The following DOCK4 variants were observed in gnomAD, a reference collection of about 807,000 sequenced individuals.
DOCK4 encodes the protein dedicator of cytokinesis protein 4.
In DOCK4, 97 loss-of-function variants were observed where a neutral mutation model predicts 268.1. The ratio of observed to expected loss-of-function variants is 0.36; its 90% CI spans 0.31 to 0.43. The LOEUF (loss-of-function observed/expected upper bound fraction) is 0.43, where lower values mean the gene tolerates loss of function less well. Ranked by LOEUF, DOCK4 falls within the 20% of genes least tolerant of loss-of-function variation. The pLI is 1.00. For missense variants in DOCK4, 2,145 were observed against 2,455.7 expected (o/e 0.87, Z 2.67); for synonymous variants, 954 against 887.2 (o/e 1.08, Z -1.34).
At chr7:111,997,691 T>C (rs903362447) in intron 4 of DOCK4, among the ~76,000 whole-genome samples, 1 of 152,222 alleles carries the variant, frequency 6.6e-6, no homozygotes, top group African/African-American at 2.4e-5. Context: ...TGAATCTGTA[T>C]TCTGTTGTCC....
At chr7:111,813,500 A>G (rs1479998337) in intron 27 of DOCK4, among the ~76,000 whole-genome samples, 9 of 152,228 alleles carry the variant, frequency 5.9e-5, no homozygotes, top group Non-Finnish European at 1.0e-4. Flanking sequence ...GGTAATGAAA[A>G]GGAAACAAGA....
At chr7:111,829,695 A>T (rs1323146118) in intron 26 of DOCK4, among the ~76,000 whole-genome samples, 3 of 152,192 alleles carry the variant, frequency 2.0e-5, no homozygotes, top group African/African-American at 7.2e-5. Context: ...CCTTTTAAGG[A>T]TTAAAATTAG....
intron 26 of DOCK4, among the ~76,000 whole-genome samples, chr7:111,833,623 A>G (rs1766504758): frequency 6.6e-6 from 1 of 152,166 alleles, no homozygotes; most frequent in Non-Finnish European, 1.5e-5. Context: ...GAGGGATTAA[A>G]TCTGCCAAAA....
chr7:111,790,367 T>C (rs1799446315), intron 31 of DOCK4, 90 bp downstream of exon 31: 1 of 1,499,738 alleles, frequency 6.7e-7, no homozygotes, highest in Admixed American at 1.9e-5. Flanking sequence ...CCAGTGTTCA[T>C]TTCCCAAGTT....
chr7:111,995,413 TTGTGTGTGTGTGTGTGTG>T (rs71529492), intron 4 of DOCK4, among the ~76,000 whole-genome samples: 8 of 116,908 alleles, frequency 6.8e-5, no homozygotes, highest in African/African-American at 1.1e-4. Flanking sequence ...AATTCTTTCT[TTGTGTGTGTGTGTGTGTG>T]TGTGTGTGTG....
At chr7:111,773,466 C>G (rs73434214) in intron 36 of DOCK4, among the ~76,000 whole-genome samples, 3,266 of 152,220 alleles carry the variant, frequency 0.021, 121 homozygotes, top group African/African-American at 0.075. Context: ...TTCAGAGAAC[C>G]AAAATATATC....
chr7:111,831,829 C>T (rs894775654), intron 26 of DOCK4, among the ~76,000 whole-genome samples: 2 of 152,102 alleles, frequency 1.3e-5, no homozygotes, highest in Non-Finnish European at 2.9e-5. Context: ...GTCTTTCTTC[C>T]CTCAAATGAG....
At chr7:111,938,191 G>T (rs1794894074) in intron 11 of DOCK4, among the ~76,000 whole-genome samples, 1 of 152,184 alleles carries the variant, frequency 6.6e-6, no homozygotes. Context: ...TTTTAAGAGG[G>T]ATGAAGAGAG....
chr7:112,142,689 A>G (rs1449651851), intron 1 of DOCK4, among the ~76,000 whole-genome samples: 2 of 152,194 alleles, frequency 1.3e-5, no homozygotes, highest in Non-Finnish European at 2.9e-5. Context: ...ATTCTTTACC[A>G]CTACAGAACT....
intron 30 of DOCK4, among the ~76,000 whole-genome samples, chr7:111,803,678 C>A (rs1800461304): frequency 6.6e-6 from 1 of 152,088 alleles, no homozygotes; most frequent in African/African-American, 2.4e-5. Flanking sequence ...AAAGACTAAC[C>A]TTTTTCTCTG....
At chr7:111,876,856 C>A (rs1007074785) in intron 17 of DOCK4, among the ~76,000 whole-genome samples, 174 bp downstream of exon 17, 1 of 150,738 alleles carries the variant, frequency 6.6e-6, no homozygotes, top group Non-Finnish European at 1.5e-5. Context: ...AAATGACATG[C>A]ATTCAACAGG....
chr7:112,044,115 C>T (rs1405128702), intron 1 of DOCK4, among the ~76,000 whole-genome samples: 1 of 152,112 alleles, frequency 6.6e-6, no homozygotes, highest in Non-Finnish European at 1.5e-5. Context: ...CACAGAGAAG[C>T]TATATAATTT....
intron 23 of DOCK4, 127 bp from the exon 24 acceptor site, chr7:111,847,253 T>C: frequency 8.5e-7 from 1 of 1,178,330 alleles, no homozygotes; most frequent in Non-Finnish European, 1.2e-6. Context: ...ACAAAGGTAT[T>C]AGTTCTACAA....
chr7:111,974,568 G>C (rs1300179192), intron 8 of DOCK4, among the ~76,000 whole-genome samples: 1 of 135,256 alleles, frequency 7.4e-6, no homozygotes, highest in Non-Finnish European at 1.6e-5. Flanking sequence ...GCAGAGAGAG[G>C]AGGAGGAAGG....
intron 25 of DOCK4, among the ~76,000 whole-genome samples, chr7:111,841,908 G>A (rs1404498367): frequency 6.6e-6 from 1 of 152,198 alleles, no homozygotes; most frequent in Non-Finnish European, 1.5e-5. Flanking sequence ...CGCTCTGCAC[G>A]TCGATAGAAA....
At chr7:111,844,112 TA>T (rs1261978141) in intron 25 of DOCK4, among the ~76,000 whole-genome samples, 2 of 151,966 alleles carry the variant, frequency 1.3e-5, no homozygotes, top group Non-Finnish European at 2.9e-5. Context: ...CTGTCTGTAT[TA>T]AAAATACAAA....
At chr7:111,745,597 T>A (rs2133467877) in intron 44 of DOCK4, among the ~76,000 whole-genome samples, 1 of 140,764 alleles carries the variant, frequency 7.1e-6, no homozygotes, top group African/African-American at 2.7e-5. Context: ...GGCAGGAGAA[T>A]GGCGTGAACC....
intron 1 of DOCK4, among the ~76,000 whole-genome samples, chr7:112,062,850 T>C (rs1178806388): frequency 6.6e-6 from 1 of 152,166 alleles, no homozygotes; most frequent in East Asian, 1.9e-4. Flanking sequence ...GCTAATTTTT[T>C]GTATTTTTAG....
In DOCK4 at chr7:111,998,483, G is replaced by T. The variant is rs749014706; in HGVS notation, c.183C>A (p.Tyr61Ter). Residue 61 changes from tyrosine (Y) to a stop codon, truncating the protein, a stop_gained, in exon 4 of 53, where the codon TAC becomes TAA. Transcript: ENST00000428084. LOFTEE classifies it high-confidence loss of function. ...TTACACAGGCATTTTTCAAGTGAAC[G>T]TAGCTGGAAGGAAATATACCCTGGA... Reference protein sequence around the residue: ...PNIKGIFPSSYVHLKNACVKN... With the variant: ...PNIKGIFPSS 6.3e-7 allele frequency: 1 copy of T among 1,590,486 alleles called. No homozygotes were observed. The highest frequency in any genetic ancestry group is 8.6e-7 in the Non-Finnish European group (1 of 1,166,464).
Sources: gnomAD v4.1 joint callset for allele counts (sites outside exome capture counted in the v4.1 genomes callset) on GRCh38, gnomAD v4.1.1 for gene constraint, MANE v1.5 for transcripts, NCBI Gene and HGNC (gene_info 2026-07-23, HGNC 2026-07-21) for gene names.